Variants in LAS1L observed in about 807,000 individuals in gnomAD.
LAS1L encodes LAS1 like ribosome biogenesis factor, also known as ribosomal biogenesis protein LAS1L.
LAS1L carries 5 observed loss-of-function variants against 57.3 expected under a neutral mutation model. The observed-to-expected ratio is 0.09, with a 90% CI of 0.05 to 0.18. The LOEUF is 0.18. Ranked by LOEUF, LAS1L falls within the 10% of genes least tolerant of loss-of-function variation. LAS1L has a pLI of 1.00. For synonymous variants in LAS1L, 245 were observed against 231.7 expected, an observed-to-expected ratio of 1.06 and a Z score of -0.52; for missense variants, 360 against 568.3, an observed-to-expected ratio of 0.63 and a Z score of 3.73.
chrX:65,528,449 G>A lies in LAS1L; in HGVS notation c.847-80C>T, dbSNP rs186133220. The A allele has an allele frequency of 1.6e-3, 930 of 568,647 alleles. 9 individuals carry two copies. In the African/African-American group the frequency reaches 0.017, roughly 10 times the overall value. The allele number at this position is 568,647 out of a possible 1,213,427, so 46.9% of individuals were successfully genotyped here. A position where few individuals can be genotyped will look rare whatever the true frequency, so the allele number is the denominator to read the frequency against. ...CACCCCTCCAGGATCCCTTCCCATA[G>A]GACCTCTCAGCACTGCCCTGCAGGG... On this transcript the variant is annotated intron_variant, in intron 6 of 13. Coordinates refer to ENST00000374811, the MANE Select transcript of LAS1L (RefSeq NM_031206.7).
Position 65,518,007 on chromosome X carries a change from G to C in LAS1L, c.1907C>G (p.Ser636Cys). The change falls in exon 12 of 14, where the codon TCT (serine) becomes TGT (cysteine). Residue 636 changes from serine (S) to cysteine (C), a missense_variant. Ser to Cys is a moderately radical substitution (Grantham distance 112). This residue lies in a region of LAS1L where 123 missense variants were observed against 168.3 expected (regional missense o/e 0.73). Coordinates refer to ENST00000374811, the MANE Select transcript of LAS1L (RefSeq NM_031206.7). ...CTTACCTGAGCTAACCTGCCATGCA[G>C]AGCCCTGCAAAGCTCCTCTTTTCTG... ...LAQKRGALQG[S>C]AWQVSSEDVR... The C allele has an allele frequency of 8.3e-7, 1 of 1,205,990 alleles. No homozygotes were observed. The highest frequency in any genetic ancestry group is 1.1e-6 in the Non-Finnish European group (1 of 893,016).
chrX:65,514,016 G>A (rs1280576465), intron 13 of LAS1L, among the ~76,000 whole-genome samples: 2 of 112,325 alleles, frequency 1.8e-5, no homozygotes, highest in East Asian at 2.8e-4. Flanking sequence ...GGATTCTATA[G>A]CCCTTTCCCA....
chrX:65,529,629 T>A lies in LAS1L; in HGVS notation c.764A>T (p.His255Leu). The A allele has an allele frequency of 8.3e-7, 1 of 1,210,863 alleles. No homozygotes were observed. Among genetic ancestry groups the A allele is most frequent in the South Asian group, 1.8e-5 (1 of 56,951 alleles). Residue 255 changes from histidine (H) to leucine (L), a missense_variant, in exon 5 of 14, where the codon CAT becomes CTT. Physicochemically the swap from His to Leu is moderately conservative, Grantham distance 99 (BLOSUM62 -3). This residue lies in a region of LAS1L where 51 missense variants were observed against 43.1 expected (regional missense o/e 1.18). Transcript: ENST00000374811. ...TTTATGACTCAGGGCCTTTTTGCAA[T>A]GAGAATCCACCTCTTCGCTGCCTTT... ...DSKGSEEVDSHCKKALSHKEL... is the reference protein window; with the variant it reads ...DSKGSEEVDSLCKKALSHKEL...
At chrX:65,519,677 CAGAGCCTCTCAT>C (rs2068773965) in intron 11 of LAS1L, among the ~76,000 whole-genome samples, 2 of 111,616 alleles carry the variant, frequency 1.8e-5, no homozygotes, top group Admixed American at 1.9e-4. Flanking sequence ...GCACCCCTCA[CAGAGCCTCTCAT>C]AGAGCCTGGC....
chrX:65,518,901 C>G, intron 11 of LAS1L: 7 of 753,718 alleles, frequency 9.3e-6, no homozygotes, highest in Non-Finnish European at 1.1e-5. Flanking sequence ...AGCAACCTGT[C>G]TTGAGCTCCA....
intron 13 of LAS1L, among the ~76,000 whole-genome samples, chrX:65,514,568 G>A (rs1422660060): frequency 1.2e-5 from 1 of 82,249 alleles, no homozygotes; most frequent in African/African-American, 8.0e-5. Flanking sequence ...ACACACACAC[G>A]TCCATCCATA....
intron 11 of LAS1L, among the ~76,000 whole-genome samples, chrX:65,519,982 CTT>C (rs765125575): frequency 8.9e-6 from 1 of 112,044 alleles, no homozygotes; most frequent in Admixed American, 9.4e-5. Flanking sequence ...CAGAGAGAAA[CTT>C]TGTCCTCTCA....
At chrX:65,517,345 TCAC>T (rs1043595106) in intron 12 of LAS1L, among the ~76,000 whole-genome samples, 1 of 109,223 alleles carries the variant, frequency 9.2e-6, no homozygotes, top group Admixed American at 9.7e-5. Flanking sequence ...CCTCCCAGGT[TCAC>T]GCCATTCTCC....
chrX:65,534,497 G>C lies in LAS1L; in HGVS notation c.219C>G (p.Ile73Met), dbSNP rs200273194. 8.3e-6 allele frequency: 10 copies of C among 1,203,353 alleles called. No homozygotes were observed. The highest frequency in any genetic ancestry group is 1.1e-5 in the Non-Finnish European group (10 of 891,547). Residue 73 changes from isoleucine (I) to methionine (M), a missense_variant, in exon 1 of 14, where the codon ATC becomes ATG. Physicochemically the swap from Ile to Met is conservative, Grantham distance 10. This residue lies in a region of LAS1L where 25 missense variants were observed against 38.2 expected (regional missense o/e 0.65). Transcript: ENST00000374811. ...CACCTTACCTGCTCCTCCACACCGT[G>C]ATGCGGTTAAGCGCGTACCGCTGCA... ...HKLQRYALNR[I>M]TVWRSRSGNE...
rs891359876 is a variant in LAS1L at position 65,520,383 on chromosome X, A to G, written c.1449-1918T>C. On this transcript the variant is annotated intron_variant, in intron 11 of 13. Transcript: ENST00000374811. ...CCTCCCAAGACTGCTGTGTCAAAGT[A>G]AATGAAGTTAACCTCTACAAAAAAA... The G allele has an allele frequency of 4.3e-5, 29 of 674,891 alleles. No homozygotes were observed. The Admixed American group carries it at 2.5e-3, about 59-fold the overall frequency. The allele number at this position is 674,891 out of a possible 1,213,427, so 55.6% of individuals were successfully genotyped here. A position where few individuals can be genotyped will look rare whatever the true frequency, so the allele number is the denominator to read the frequency against.
At chrX:65,530,409 T>A (rs2069411280) in intron 4 of LAS1L, among the ~76,000 whole-genome samples, 1 of 111,293 alleles carries the variant, frequency 9.0e-6, no homozygotes, top group African/African-American at 3.3e-5. Context: ...CCGGGCACTG[T>A]GGTTCACGCC....
intron 12 of LAS1L, among the ~76,000 whole-genome samples, chrX:65,515,196 ATATACAAG>A (rs1382391271): frequency 1.8e-5 from 2 of 111,672 alleles, no homozygotes; most frequent in South Asian, 3.8e-4. Flanking sequence ...ATGTGCTTAC[ATATACAAG>A]TATACAACTA....
chrX:65,531,558 G>A (rs2069495471), intron 3 of LAS1L, 120 bp from the exon 4 acceptor site: 2 of 477,176 alleles, frequency 4.2e-6, no homozygotes, highest in Admixed American at 7.1e-5. Flanking sequence ...AGAAACTGAG[G>A]TCCTGAAAGA....
Position 65,523,601 on chromosome X carries a change from G to A in LAS1L, c.1407C>T (p.Cys469=). The part of the protein sequence containing the change: ...SLDWPRMVES[C]LGSPCWASPQ... ...GGCTGGCCCAGCAAGGTGAGCCCAA[G>A]CAGGACTCAACCATCCGGGGCCAGT... Residue 469 remains cysteine, a synonymous_variant, in exon 11 of 14, where the codon TGC becomes TGT. Transcript: ENST00000374811. The A allele has an allele frequency of 8.3e-7, 1 of 1,203,829 alleles. No homozygotes were observed. The highest frequency in any genetic ancestry group is 2.2e-5 in the Admixed American group (1 of 45,195).
In LAS1L at chrX:65,525,070, G is replaced by C. The variant is rs775857930; in HGVS notation, c.957-20C>G. 4.3e-6 allele frequency: 5 copies of C among 1,152,652 alleles called. No individual in the cohort carries two copies. The highest frequency in any genetic ancestry group is 5.9e-6 in the Non-Finnish European group (5 of 845,021). 95.0% of individuals were successfully genotyped at this position (1,152,652 alleles called of 1,213,427 possible). On this transcript the variant is annotated intron_variant, in intron 7 of 13. Transcript: ENST00000374811. The stretch of plus-strand genomic sequence containing the variant: ...GCCTCCCTGGAACAAGAGGACACTA[G>C]TTTAGCAAAGTGATGCTGGCAGAAG...
chrX:65,525,336 G>A, intron 7 of LAS1L, among the ~76,000 whole-genome samples: 1 of 112,122 alleles, frequency 8.9e-6, no homozygotes, highest in South Asian at 3.7e-4. Flanking sequence ...GAGCAGTAGT[G>A]TCTGAATACA....
At chrX:65,527,413 G>A (rs1249475746) in intron 7 of LAS1L, among the ~76,000 whole-genome samples, 1 of 109,688 alleles carries the variant, frequency 9.1e-6, no homozygotes, top group Non-Finnish European at 1.9e-5. Context: ...GTGCATGCCT[G>A]TTGGTCCTAG....
intron 11 of LAS1L, among the ~76,000 whole-genome samples, chrX:65,519,995 T>C (rs1415178345): frequency 8.9e-6 from 1 of 112,325 alleles, no homozygotes; most frequent in Admixed American, 9.4e-5. Flanking sequence ...TGTCCTCTCA[T>C]GGTGGTCCAT....
At chrX:65,523,801 C>T (rs1194778640) in intron 10 of LAS1L, 94 bp from the exon 11 acceptor site, 4 of 950,541 alleles carry the variant, frequency 4.2e-6, no homozygotes, top group Non-Finnish European at 4.3e-6. Flanking sequence ...CTCCCCATCC[C>T]CCCAGACTCC....
Sources: allele counts gnomAD v4.1 joint callset (sites outside exome capture counted in the v4.1 genomes callset), GRCh38; gene constraint gnomAD v4.1.1; regional missense constraint gnomAD v4.1.1; transcripts MANE v1.5; gene names NCBI Gene and HGNC (gene_info 2026-07-23, HGNC 2026-07-21).